The following PPHLN1 variants were observed in gnomAD, a reference collection of about 807,000 sequenced individuals.
The protein encoded by PPHLN1 is periphilin 1.
Under a neutral mutation model 51.3 loss-of-function variants are expected in PPHLN1, and 29 were observed. The ratio of observed to expected loss-of-function variants is 0.57; its 90% CI spans 0.42 to 0.77. The LOEUF (loss-of-function observed/expected upper bound fraction) is 0.77. Among genes scored for constraint, PPHLN1 ranks in the 30% least tolerant of loss-of-function variants. The probability of loss-of-function intolerance (pLI) is 0.00; values close to 1 mark genes in which losing one functional copy is unlikely to be tolerated. For missense variants in PPHLN1, 436 were observed against 438.4 expected, an observed-to-expected ratio of 0.99 and a Z score of 0.05; for synonymous variants, 147 against 147.8, an observed-to-expected ratio of 0.99 and a Z score of 0.04.
At chr12:42,413,185 T>C (rs1669912) in intron 9 of PPHLN1, among the ~76,000 whole-genome samples, 45,801 of 152,132 alleles carry the variant, frequency 0.3, 7,847 homozygotes, top group Non-Finnish European at 0.38. Flanking sequence ...AATTCTTTGC[T>C]TAGGCCAATG....
At chr12:42,446,214 T>G (rs1456961234), downstream of PPHLN1, 1 of 1,612,896 alleles carries the variant, frequency 6.2e-7, no homozygotes, top group Non-Finnish European at 8.5e-7. Context: ...AGGATCCTGC[T>G]CCGAACACAG....
intron 1 of PPHLN1, among the ~76,000 whole-genome samples, chr12:42,333,007 C>G (rs2070016897): frequency 6.6e-6 from 1 of 152,094 alleles, no homozygotes; most frequent in Non-Finnish European, 1.5e-5. Flanking sequence ...GTAAAATATT[C>G]ATCCTCTGCC....
At position 42,441,807 on chromosome 12, in the gene PPHLN1, A is replaced by G; in HGVS notation, c.*298A>G. 1.8e-6 allele frequency: 2 copies of G among 1,101,020 alleles called. No homozygotes were observed. Among genetic ancestry groups the G allele is most frequent in the Non-Finnish European group, 2.2e-6 (2 of 905,394 alleles). The allele number at this position is 1,101,020 out of a possible 1,614,324, so 68.2% of individuals were successfully genotyped here. ...AGTGTTGAGATTACAGGCGTGAGCC[A>G]CCGCTCCCTGCCCAACACATATACC... is the stretch of plus-strand genomic sequence containing the variant. On this transcript the variant is annotated 3_prime_UTR_variant, in exon 10 of 10. Transcript: ENST00000358314.
chr12:42,345,770 GTT>G (rs2138038655), intron 2 of PPHLN1, among the ~76,000 whole-genome samples: 1 of 151,878 alleles, frequency 6.6e-6, no homozygotes, highest in Admixed American at 6.5e-5. Context: ...ACTCCAATGA[GTT>G]TATTTTTTGA....
At chr12:42,444,945 C>G, downstream of PPHLN1, 1 of 649,684 alleles carries the variant, frequency 1.5e-6, no homozygotes, top group Non-Finnish European at 2.8e-6. Flanking sequence ...TACTAGTACT[C>G]AGAGAGCTGA....
intron 5 of PPHLN1, chr12:42,375,315 G>GTTTTTT (rs5797791): frequency 2.7e-5 from 4 of 149,106 alleles, no homozygotes; most frequent in East Asian, 1.9e-4. Context: ...CATGTAAAAG[G>GTTTTTT]TTTTTTTTTT....
intron 4 of PPHLN1, among the ~76,000 whole-genome samples, chr12:42,364,959 T>C (rs2075114317): frequency 6.6e-6 from 1 of 152,184 alleles, no homozygotes; most frequent in African/African-American, 2.4e-5. Context: ...TCTTAGTCCA[T>C]ATCTTATGCC....
At chr12:42,340,441 C>G (rs1251997143) in intron 2 of PPHLN1, among the ~76,000 whole-genome samples, 1 of 151,948 alleles carries the variant, frequency 6.6e-6, no homozygotes, top group African/African-American at 2.4e-5. Flanking sequence ...GAGCTTCAAA[C>G]TGACAACAAA....
chr12:42,401,452 G>A (rs928883193), intron 9 of PPHLN1, among the ~76,000 whole-genome samples: 3 of 151,100 alleles, frequency 2.0e-5, no homozygotes, highest in African/African-American at 7.3e-5. Context: ...CTTGTGGACC[G>A]CTACTGGTCT....
chr12:42,368,787 T>G (rs1036042114), intron 4 of PPHLN1, among the ~76,000 whole-genome samples: 30 of 152,214 alleles, frequency 2.0e-4, no homozygotes, highest in Non-Finnish European at 3.5e-4. Flanking sequence ...AACATTTCTA[T>G]CATTATTTAA....
chr12:42,336,103 C>T (rs1172733901), intron 2 of PPHLN1, 129 bp downstream of exon 2: 1 of 488,658 alleles, frequency 2.0e-6, no homozygotes, highest in Non-Finnish European at 3.5e-6. Context: ...CAAAAGAGAT[C>T]AAGCTTATCT....
At chr12:42,349,362 A>G (rs1326516515) in intron 2 of PPHLN1, among the ~76,000 whole-genome samples, 1 of 151,622 alleles carries the variant, frequency 6.6e-6, no homozygotes, top group Non-Finnish European at 1.5e-5. Context: ...ATAGATAAAC[A>G]GCTCTGAAGG....
At chr12:42,397,615 A>C (rs150780001) in intron 8 of PPHLN1, among the ~76,000 whole-genome samples, 10 of 152,164 alleles carry the variant, frequency 6.6e-5, no homozygotes, top group African/African-American at 2.4e-4. Flanking sequence ...GCAGTAACAG[A>C]ACACCAGTGA....
intron 9 of PPHLN1, among the ~76,000 whole-genome samples, chr12:42,412,367 C>T (rs2079947695): frequency 6.6e-6 from 1 of 152,154 alleles, no homozygotes; most frequent in African/African-American, 2.4e-5. Flanking sequence ...TCCTGAGTTA[C>T]TTCACTTAGA....
intron 9 of PPHLN1, among the ~76,000 whole-genome samples, chr12:42,405,194 C>T (rs929402719): frequency 3.9e-5 from 6 of 152,212 alleles, no homozygotes; most frequent in Admixed American, 2.0e-4. Context: ...AATTCTCTAC[C>T]GTCCTTTTCC....
At chr12:42,429,623 G>A (rs1369126101) in intron 9 of PPHLN1, among the ~76,000 whole-genome samples, 1 of 152,174 alleles carries the variant, frequency 6.6e-6, no homozygotes, top group Non-Finnish European at 1.5e-5. Context: ...TTTTTAATGT[G>A]TTGGTCTTTT....
At chr12:42,411,769 G>A (rs998662410) in intron 9 of PPHLN1, among the ~76,000 whole-genome samples, 1 of 151,570 alleles carries the variant, frequency 6.6e-6, no homozygotes. Context: ...GCTGGGTATG[G>A]TGGTGCATGC....
chr12:42,429,836 A>C (rs2081874809), intron 9 of PPHLN1, among the ~76,000 whole-genome samples: 1 of 152,230 alleles, frequency 6.6e-6, no homozygotes, highest in African/African-American at 2.4e-5. Flanking sequence ...GAACAGATCC[A>C]TCTTCATTTT....
intron 9 of PPHLN1, among the ~76,000 whole-genome samples, chr12:42,419,537 ATACTTTTCT>A (rs2080796078): frequency 6.6e-6 from 1 of 152,150 alleles, no homozygotes; most frequent in African/African-American, 2.4e-5. Context: ...CCTGGCCTTT[ATACTTTTCT>A]ATATAGTAGT....
Sources: allele counts gnomAD v4.1 joint callset (sites outside exome capture counted in the v4.1 genomes callset), GRCh38; gene constraint gnomAD v4.1.1; transcripts MANE v1.5; gene names NCBI Gene and HGNC (gene_info 2026-07-23, HGNC 2026-07-21).